Variants in RHOQ observed in about 807,000 individuals in gnomAD.
The protein encoded by RHOQ is rho-related GTP-binding protein RhoQ.
A neutral mutation model predicts 25.8 loss-of-function variants in RHOQ; 7 were observed. The ratio of observed to expected loss-of-function variants is 0.27; its 90% confidence interval spans 0.15 to 0.51. The LOEUF is 0.51. Among genes scored for constraint, RHOQ ranks in the 20% least tolerant of loss-of-function variants. The probability of loss-of-function intolerance (pLI) is 0.97; values close to 1 mark genes in which losing one functional copy is unlikely to be tolerated. For synonymous variants in RHOQ, 97 were observed against 98.6 expected, an observed-to-expected ratio of 0.98 and a Z score of 0.10; for missense variants, 165 against 260.6, an observed-to-expected ratio of 0.63 and a Z score of 2.53.
Position 46,555,128 on chromosome 2 carries a change from G to C in RHOQ, c.201+11316G>C, listed in dbSNP as rs1451157. Among the ~76,000 whole-genome samples, 2 of 152,234 alleles carry C rather than the reference G, an allele frequency of 1.3e-5. No individual in the cohort carries two copies. The highest frequency in any genetic ancestry group is 2.9e-5 in the Non-Finnish European group (2 of 68,040). On this transcript the variant is annotated intron_variant, in intron 2 of 4. Transcript: ENST00000238738. The surrounding 1 kb of genome is among the most constrained non-coding windows in gnomAD (Gnocchi z 4.3). ...GACAGGGACTTCGTCCAACAGGCGA[G>C]AGCTTTGGGTATTCATCCACTGCAG... is the stretch of plus-strand genomic sequence containing the variant.
In RHOQ at chr2:46,581,057, T is replaced by G; in HGVS notation, c.592T>G (p.Cys198Gly). The G allele has an allele frequency of 2.6e-6, 4 of 1,560,350 alleles. No individual in the cohort carries two copies. The highest frequency in any genetic ancestry group is 3.4e-6 in the Non-Finnish European group (4 of 1,160,422). Residue 198 changes from cysteine to glycine, a missense_variant, in exon 5 of 5, where the codon TGT becomes GGT. Transcript: ENST00000238738. ...TGTAAAAAAAAGAATAGGATCAAGA[T>G]GTATAAACTGTTGTTTAATTACGTG... Reference protein sequence around the residue: ...HTVKKRIGSRCINCCLIT With the variant: ...HTVKKRIGSRGINCCLIT
intron 2 of RHOQ, chr2:46,572,861 TG>T: frequency 2.5e-6 from 1 of 400,850 alleles, no homozygotes; most frequent in South Asian, 1.8e-5. Context: ...TGAAAGATTC[TG>T]CACACCTCCA....
At chr2:46,562,886 T>C (rs953699125) in intron 2 of RHOQ, among the ~76,000 whole-genome samples, 3 of 152,238 alleles carry the variant, frequency 2.0e-5, no homozygotes, top group African/African-American at 7.2e-5. Context: ...CATTCAGTTC[T>C]CATTTTCTGC....
rs1303859054 is a variant in RHOQ, at chr2:46,546,464, ATATATATATG to A, written c.201+2654_201+2663del. On this transcript the variant is annotated intron_variant, in intron 2 of 4. Coordinates refer to ENST00000238738, the MANE Select transcript of RHOQ (RefSeq NM_012249.4). ...TATACACATATACATATATATATATATATATATATGTGTATATATATATATATATATATAT... is the reference window on the plus strand; with the variant it reads ...TATACACATATACATATATATATATATGTATATATATATATATATATATAT... Among the ~76,000 whole-genome samples the A allele has an allele frequency of 1.7e-3, 9 of 5,240 alleles. No homozygotes were observed. The Middle Eastern group carries it at 0.11, about 62-fold the overall frequency. 3.4% of individuals were successfully genotyped at this position (5,240 alleles called of 152,430 possible). A position where few individuals can be genotyped will look rare whatever the true frequency, so the allele number is the denominator to read the frequency against.
chr2:46,546,135 A>G (rs1668036837), intron 2 of RHOQ, among the ~76,000 whole-genome samples: 2 of 152,028 alleles, frequency 1.3e-5, no homozygotes, highest in African/African-American at 4.8e-5. Flanking sequence ...TGATGAGACC[A>G]AATGGCAAGT....
rs771449106 is a variant in RHOQ at position 46,556,397 on chromosome 2, T to C, written c.201+12585T>C. ...TGAAGTTCTGCTAGTTGTGCACTTG[T>C]GGTGCTGCCTTCGCCCCTGGCTCAG... On this transcript the variant is annotated intron_variant, in intron 2 of 4. Transcript: ENST00000238738. This position sits in a 1 kb window ranked among gnomAD's most constrained non-coding sequence, Gnocchi z 4.9. 2.6e-5 allele frequency among the ~76,000 whole-genome samples: 4 copies of C among 152,180 alleles called. No homozygotes were observed. The highest frequency in any genetic ancestry group is 5.9e-5 in the Non-Finnish European group (4 of 68,040).
chr2:46,547,910 G>A (rs1211770820), intron 2 of RHOQ, among the ~76,000 whole-genome samples: 2 of 152,180 alleles, frequency 1.3e-5, no homozygotes, highest in Non-Finnish European at 2.9e-5. Flanking sequence ...TCTAGCTGTG[G>A]GCTCTAGGCT....
In RHOQ at chr2:46,576,538, C is replaced by T. The variant is rs776060237; in HGVS notation, c.367-23C>T. The T allele has an allele frequency of 2.2e-6, 3 of 1,373,914 alleles. No homozygotes were observed. The highest frequency in any genetic ancestry group is 2.3e-5 in the East Asian group (1 of 43,260). 85.1% of individuals were successfully genotyped at this position (1,373,914 alleles called of 1,614,324 possible). A position where few individuals can be genotyped will look rare whatever the true frequency, so the allele number is the denominator to read the frequency against. On this transcript the variant is annotated intron_variant, in intron 3 of 4. Coordinates refer to ENST00000238738, the MANE Select transcript of RHOQ (RefSeq NM_012249.4). The surrounding 1 kb of genome is among the most constrained non-coding windows in gnomAD (Gnocchi z 5.1). The stretch of plus-strand genomic sequence containing the variant: ...TTTAAAGATTTGTAATATTATGGGA[C>T]ATTATTGACCTTTCTTAATTAGATT...
At chr2:46,571,341 T>C (rs1016431645) in intron 2 of RHOQ, among the ~76,000 whole-genome samples, 11 of 152,356 alleles carry the variant, frequency 7.2e-5, no homozygotes, top group Middle Eastern at 6.8e-3. Flanking sequence ...CAGCCTGCAG[T>C]TTCCTCTTCT....
chr2:46,549,872 T>C (rs1314467065), intron 2 of RHOQ, among the ~76,000 whole-genome samples: 1 of 152,158 alleles, frequency 6.6e-6, no homozygotes, highest in Non-Finnish European at 1.5e-5. Context: ...TTCTCTACCA[T>C]GTTGCAGTGC....
In RHOQ at chr2:46,561,393, A is replaced by G. The variant is rs542199006; in HGVS notation, c.202-14694A>G. 6.6e-4 allele frequency among the ~76,000 whole-genome samples: 101 copies of G among 152,096 alleles called. 1 individual carries two copies. The highest frequency in any genetic ancestry group is 2.4e-3 in the African/African-American group (98 of 41,494). ...AGCACAGAAAGAGTCATGTGGGAGA[A>G]GCTGGGGTGGATGGGGAGGTGTGGG... On this transcript the variant is annotated intron_variant, in intron 2 of 4. Coordinates refer to ENST00000238738, the MANE Select transcript of RHOQ (RefSeq NM_012249.4).
chr2:46,571,486 G>C (rs1231504766), intron 2 of RHOQ, among the ~76,000 whole-genome samples: 1 of 152,144 alleles, frequency 6.6e-6, no homozygotes, highest in Non-Finnish European at 1.5e-5. Context: ...ATGTTTATAA[G>C]GTGTTTTACA....
intron 2 of RHOQ, among the ~76,000 whole-genome samples, chr2:46,554,608 T>G (rs1668355657): frequency 6.6e-6 from 1 of 152,118 alleles, no homozygotes; most frequent in African/African-American, 2.4e-5. Context: ...ACGTCCTTTC[T>G]GTGTTAACAT....
At chr2:46,572,434 T>C (rs1668963383) in intron 2 of RHOQ, among the ~76,000 whole-genome samples, 1 of 151,996 alleles carries the variant, frequency 6.6e-6, no homozygotes, top group African/African-American at 2.4e-5. Flanking sequence ...AGGTTGTCAT[T>C]ATCACATATC....
At chr2:46,563,301 A>G (rs1668628292) in intron 2 of RHOQ, among the ~76,000 whole-genome samples, 1 of 152,022 alleles carries the variant, frequency 6.6e-6, no homozygotes, top group African/African-American at 2.4e-5. Flanking sequence ...CTTTGATCCT[A>G]TTTCCTCATC....
At position 46,576,396 on chromosome 2, in the gene RHOQ, G is replaced by C. The variant is rs1669129422; in HGVS notation, c.366+145G>C. On this transcript the variant is annotated intron_variant, in intron 3 of 4. Transcript: ENST00000238738. This position sits in a 1 kb window ranked among gnomAD's most constrained non-coding sequence, Gnocchi z 5.1. Reference sequence around the variant, plus strand: ...AGTTAATGAGTTCTATCATATTTTTGGAAAAAATTGTGCCAAAAGAAAGCA... The same window carrying C: ...AGTTAATGAGTTCTATCATATTTTTCGAAAAAATTGTGCCAAAAGAAAGCA... The C allele has an allele frequency of 8.6e-6, 8 of 934,678 alleles. No homozygotes were observed. The highest frequency in any genetic ancestry group is 2.8e-5 in the Admixed American group (1 of 35,490). The allele number at this position is 934,678 out of a possible 1,614,324, so 57.9% of individuals were successfully genotyped here. A position where few individuals can be genotyped will look rare whatever the true frequency, so the allele number is the denominator to read the frequency against.
chr2:46,583,988 A>G lies in RHOQ; in HGVS notation c.*2905A>G, dbSNP rs1669487498. ...ACTTACACTCTTGTTTTATCTCCAC[A>G]GGTACATTTTAGGTTAGCTCATGGT... On this transcript the variant is annotated 3_prime_UTR_variant, in exon 5 of 5. Transcript: ENST00000238738. 6.6e-6 allele frequency among the ~76,000 whole-genome samples: 1 copy of G among 152,212 alleles called. No individual in the cohort carries two copies. Among genetic ancestry groups the G allele is most frequent in the African/African-American group, 2.4e-5 (1 of 41,474 alleles).
intron 4 of RHOQ, chr2:46,580,226 C>G (rs1027996956): frequency 6.6e-6 from 1 of 152,454 alleles, no homozygotes; most frequent in African/African-American, 2.4e-5. Context: ...ACTCATTGTT[C>G]CCCAGGCCTC....
intron 2 of RHOQ, among the ~76,000 whole-genome samples, chr2:46,571,591 G>T (rs1199173691): frequency 6.6e-6 from 1 of 152,176 alleles, no homozygotes; most frequent in Non-Finnish European, 1.5e-5. Context: ...TGTTTGTTAA[G>T]CATTTCTATA....
Sources: allele counts gnomAD v4.1 joint callset (sites outside exome capture counted in the v4.1 genomes callset), GRCh38; gene constraint gnomAD v4.1.1; non-coding constraint Gnocchi (gnomAD v3.1); transcripts MANE v1.5; gene names NCBI Gene and HGNC (gene_info 2026-07-23, HGNC 2026-07-21).